The following PARP12 variants were observed in gnomAD, a reference collection of about 807,000 sequenced individuals.
PARP12 encodes poly(ADP-ribose) polymerase family member 12, also known as protein mono-ADP-ribosyltransferase PARP12.
In PARP12, 59 loss-of-function variants were observed where a neutral mutation model predicts 72.4. The ratio of observed to expected loss-of-function variants is 0.81; its 90% CI spans 0.66 to 1.01. The LOEUF is 1.01. Ranked by LOEUF, PARP12 falls within the 50% of genes least tolerant of loss-of-function variation. The probability of loss-of-function intolerance (pLI) is 0.00; values close to 1 mark genes in which losing one functional copy is unlikely to be tolerated. For missense variants in PARP12, 851 were observed against 914.0 expected (o/e 0.93, Z 0.89); for synonymous variants, 403 against 371.4 (o/e 1.09, Z -0.98).
intron 1 of PARP12, 25 bp downstream of exon 1, chr7:140,062,497 C>T: frequency 6.6e-7 from 1 of 1,520,776 alleles, no homozygotes; most frequent in Non-Finnish European, 8.8e-7. Context: ...CTCCGCCCGC[C>T]GTCGCTCCCG....
In PARP12 at chr7:140,024,803, C is replaced by A; in HGVS notation, c.1863G>T (p.Arg621=). The A allele has an allele frequency of 6.2e-7, 1 of 1,614,148 alleles. No homozygotes were observed. The highest frequency in any genetic ancestry group is 8.5e-7 in the Non-Finnish European group (1 of 1,180,006). Residue 621 remains arginine, a synonymous_variant, in exon 12 of 12, where the codon CGG becomes CGT. Coordinates refer to ENST00000263549, the MANE Select transcript of PARP12 (RefSeq NM_022750.4). ...CCCTGACGAACTCGCCCACCAGCAC[C>A]CGGGCCAGGAACATCGTGTGGGTCT... is the stretch of plus-strand genomic sequence containing the variant. ...DTQTHTMFLA[R]VLVGEFVRGN... is the part of the protein sequence containing the mutation.
At chr7:140,061,929 G>A (rs959560292) in intron 1 of PARP12, among the ~76,000 whole-genome samples, 4 of 149,156 alleles carry the variant, frequency 2.7e-5, no homozygotes, top group African/African-American at 7.4e-5. Flanking sequence ...GAGCAAGAAG[G>A]GCATTCCAGG....
At chr7:140,024,918 G>A in intron 11 of PARP12, 33 bp from the exon 12 acceptor site, 1 of 1,597,984 alleles carries the variant, frequency 6.3e-7, no homozygotes, top group Non-Finnish European at 8.6e-7. Context: ...AGCTGGTGGA[G>A]GGGCCTGCAG....
intron 5 of PARP12, among the ~76,000 whole-genome samples, chr7:140,045,314 T>C (rs1816671065): frequency 6.6e-6 from 1 of 152,208 alleles, no homozygotes; most frequent in South Asian, 2.1e-4. Flanking sequence ...ATAACAGGTA[T>C]GAGCTGCTGC....
At chr7:140,044,611 A>G (rs1259248243) in intron 5 of PARP12, among the ~76,000 whole-genome samples, 1 of 152,166 alleles carries the variant, frequency 6.6e-6, no homozygotes, top group African/African-American at 2.4e-5. Context: ...TGAAGCCATC[A>G]AGTTCATGGT....
At chr7:140,040,105 C>T (rs910427071) in intron 6 of PARP12, among the ~76,000 whole-genome samples, 7 of 152,182 alleles carry the variant, frequency 4.6e-5, no homozygotes, top group African/African-American at 1.7e-4. Flanking sequence ...GACAGATCCC[C>T]AAACAGAATG....
Position 140,049,471 on chromosome 7 carries a change from G to C in PARP12, c.863-2464C>G, listed in dbSNP as rs76354710. 7.9e-4 allele frequency among the ~76,000 whole-genome samples: 121 copies of C among 152,292 alleles called. 1 individual carries two copies. In the East Asian group the frequency reaches 0.019, roughly 24 times the overall value. On this transcript the variant is annotated intron_variant, in intron 4 of 11. Transcript: ENST00000263549. ...TGTTCCCTCCCTGAAAGGCATTAGAGGAAATGATCAGGGATGAGAGCAGAA... is the reference window on the plus strand; with the variant it reads ...TGTTCCCTCCCTGAAAGGCATTAGACGAAATGATCAGGGATGAGAGCAGAA...
intron 3 of PARP12, among the ~76,000 whole-genome samples, chr7:140,056,073 A>G (rs1262880482): frequency 6.6e-6 from 1 of 152,238 alleles, no homozygotes; most frequent in African/African-American, 2.4e-5. Flanking sequence ...AGAGTGGGTA[A>G]CAGAATGGCC....
chr7:140,035,361 G>T (rs1012176940), intron 7 of PARP12, among the ~76,000 whole-genome samples: 3 of 152,204 alleles, frequency 2.0e-5, no homozygotes, highest in East Asian at 1.9e-4. Context: ...CATCTGTGAT[G>T]AATCTTAAAT....
Position 140,031,286 on chromosome 7 carries a change from T to C in PARP12, c.1422-2598A>G, listed in dbSNP as rs1040952445. On this transcript the variant is annotated intron_variant, in intron 8 of 11. Transcript: ENST00000263549. The stretch of plus-strand genomic sequence containing the variant: ...TACTTGGGATGCTGAGGTGGGAGGA[T>C]TGCTTGAGCCCGGGAGGTGGAAGGT... Among the ~76,000 whole-genome samples, 7 of 152,070 alleles carry C rather than the reference T, an allele frequency of 4.6e-5. No homozygotes were observed. The East Asian group carries it at 9.6e-4, about 21-fold the overall frequency.
intron 8 of PARP12, chr7:140,033,346 CACAAA>C (rs1353834038): frequency 6.9e-5 from 68 of 985,294 alleles, no homozygotes; most frequent in Non-Finnish European, 8.1e-5. Flanking sequence ...TTGCATGCTT[CACAAA>C]ACAAAAGAAC....
intron 8 of PARP12, among the ~76,000 whole-genome samples, chr7:140,032,276 C>T (rs569224408): frequency 1.3e-5 from 2 of 152,018 alleles, no homozygotes; most frequent in Non-Finnish European, 2.9e-5. Flanking sequence ...GATTCAAGCC[C>T]ATGGAAAGGA....
At chr7:140,035,926 C>G (rs1367495025) in intron 7 of PARP12, among the ~76,000 whole-genome samples, 1,457 of 46,002 alleles carry the variant, frequency 0.032, 275 homozygotes, top group African/African-American at 0.11. Context: ...AGGAGGAGGA[C>G]AAGGAGGAGG....
At chr7:140,043,391 T>A (rs987017629) in intron 5 of PARP12, among the ~76,000 whole-genome samples, 4 of 152,156 alleles carry the variant, frequency 2.6e-5, no homozygotes, top group African/African-American at 7.2e-5. Context: ...ATCAAAAGTA[T>A]GAGTAAGAAT....
At chr7:140,035,915 A>G (rs117102789) in intron 7 of PARP12, among the ~76,000 whole-genome samples, 9,466 of 56,554 alleles carry the variant, frequency 0.17, 1,843 homozygotes, top group East Asian at 0.39. Flanking sequence ...GGAGGAGGAC[A>G]AGGAGGAGGA....
chr7:140,061,704 C>T (rs1437684006), intron 1 of PARP12, among the ~76,000 whole-genome samples: 1 of 152,206 alleles, frequency 6.6e-6, no homozygotes. Flanking sequence ...TTCCACACAT[C>T]CCACTGGCCA....
At chr7:140,031,623 C>G (rs893660724) in intron 8 of PARP12, among the ~76,000 whole-genome samples, 4 of 152,190 alleles carry the variant, frequency 2.6e-5, no homozygotes, top group Non-Finnish European at 5.9e-5. Flanking sequence ...TCTGTGTGAA[C>G]AGTGTGTGAC....
At chr7:140,054,854 T>C (rs1817117554) in intron 3 of PARP12, 91 bp from the exon 4 acceptor site, 4 of 1,108,762 alleles carry the variant, frequency 3.6e-6, no homozygotes, top group African/African-American at 1.5e-5. Context: ...TGCACAAAAG[T>C]GGGCAACGCA....
At chr7:140,043,093 C>T (rs1205259379) in intron 5 of PARP12, among the ~76,000 whole-genome samples, 2 of 152,178 alleles carry the variant, frequency 1.3e-5, no homozygotes, top group African/African-American at 4.8e-5. Context: ...ACTCAGGAGG[C>T]TGAGGCAGGA....
Sources: allele counts gnomAD v4.1 joint callset (sites outside exome capture counted in the v4.1 genomes callset), GRCh38; gene constraint gnomAD v4.1.1; transcripts MANE v1.5; gene names NCBI Gene and HGNC (gene_info 2026-07-23, HGNC 2026-07-21).